Variants in NFATC2 observed in about 807,000 individuals in gnomAD.
The protein encoded by NFATC2 is nuclear factor of activated T cells 2, also known as nuclear factor of activated T-cells, cytoplasmic 2.
Under a neutral mutation model 87.3 loss-of-function variants are expected in NFATC2, and 22 were observed. That is an observed-to-expected ratio of 0.25 (90% CI 0.18 to 0.36). NFATC2 has a LOEUF of 0.36. Among genes scored for constraint, NFATC2 ranks in the 10% least tolerant of loss-of-function variants. NFATC2 has a pLI of 1.00. For synonymous variants in NFATC2, 565 were observed against 542.2 expected (o/e 1.04, Z -0.58); for missense variants, 1,149 against 1,259.1 (o/e 0.91, Z 1.32).
intron 2 of NFATC2, among the ~76,000 whole-genome samples, chr20:51,519,568 G>A (rs993908459): frequency 2.6e-5 from 4 of 151,690 alleles, no homozygotes; most frequent in Admixed American, 1.3e-4. Context: ...AGGTTGCAGT[G>A]AGCCGAGATC....
chr20:51,494,572 G>A (rs775588410), intron 3 of NFATC2, among the ~76,000 whole-genome samples: 6 of 151,972 alleles, frequency 3.9e-5, no homozygotes, highest in Admixed American at 1.3e-4. Flanking sequence ...AGCTGAACAC[G>A]GCTCCATCCT....
intron 6 of NFATC2, among the ~76,000 whole-genome samples, chr20:51,453,846 T>C (rs1986090341): frequency 1.3e-5 from 2 of 152,236 alleles, no homozygotes; most frequent in Admixed American, 1.3e-4. Flanking sequence ...GAAGGTAATT[T>C]AGCAATATGT....
At chr20:51,528,194 G>C (rs963283024) in intron 1 of NFATC2, among the ~76,000 whole-genome samples, 1 of 151,612 alleles carries the variant, frequency 6.6e-6, no homozygotes, top group Non-Finnish European at 1.5e-5. Flanking sequence ...AATCCCAAAA[G>C]ACTGGAAGCA....
intron 3 of NFATC2, among the ~76,000 whole-genome samples, chr20:51,509,929 A>G (rs2146666611): frequency 6.6e-6 from 1 of 152,364 alleles, no homozygotes; most frequent in South Asian, 2.1e-4. Context: ...ACCTCCCTGC[A>G]AAGCTCATTA....
intron 1 of NFATC2, among the ~76,000 whole-genome samples, chr20:51,533,719 C>CCAGGACA (rs2076673893): frequency 6.6e-6 from 1 of 152,238 alleles, no homozygotes; most frequent in South Asian, 2.1e-4. Flanking sequence ...GGCCAGGCGC[C>CCAGGACA]CAGGACACAG....
At chr20:51,460,926 C>G (rs987443409) in intron 5 of NFATC2, among the ~76,000 whole-genome samples, 1 of 152,288 alleles carries the variant, frequency 6.6e-6, no homozygotes, top group Non-Finnish European at 1.5e-5. Flanking sequence ...CCCAATCTCT[C>G]GGGCAGAGGC....
intron 1 of NFATC2, among the ~76,000 whole-genome samples, chr20:51,561,568 T>TCCCC (rs113481949): frequency 1.5e-4 from 19 of 126,634 alleles, no homozygotes; most frequent in African/African-American, 3.2e-4. Flanking sequence ...TGTCATTTCT[T>TCCCC]CCCCCCCCCA....
chr20:51,489,254 G>A (rs897581598), intron 3 of NFATC2, among the ~76,000 whole-genome samples: 1 of 117,620 alleles, frequency 8.5e-6, no homozygotes, highest in African/African-American at 5.2e-5. Flanking sequence ...AGATGGTGAG[G>A]GGGGCCCCTT....
intron 9 of NFATC2, among the ~76,000 whole-genome samples, chr20:51,408,532 G>T (rs1262044221): frequency 1.1e-5 from 1 of 87,808 alleles, no homozygotes; most frequent in African/African-American, 4.6e-5. Flanking sequence ...AAAAAAAAAA[G>T]CCAGAGCCCA....
chr20:51,442,637 G>A (rs1984506668), intron 6 of NFATC2, among the ~76,000 whole-genome samples: 1 of 151,678 alleles, frequency 6.6e-6, no homozygotes, highest in Non-Finnish European at 1.5e-5. Context: ...TTTCTTCACT[G>A]ATTCAAGAAA....
intron 2 of NFATC2, among the ~76,000 whole-genome samples, chr20:51,518,542 C>T (rs1020532579): frequency 6.6e-6 from 1 of 151,050 alleles, no homozygotes; most frequent in Non-Finnish European, 1.5e-5. Flanking sequence ...ATCCCTCTTA[C>T]CCTGCAGTCC....
intron 3 of NFATC2, among the ~76,000 whole-genome samples, chr20:51,488,459 C>A (rs916255899): frequency 6.6e-6 from 1 of 152,110 alleles, no homozygotes; most frequent in Non-Finnish European, 1.5e-5. Context: ...TGGACTCTAC[C>A]CAGTAGGTAG....
intron 1 of NFATC2, among the ~76,000 whole-genome samples, chr20:51,556,659 C>T (rs1189134298): frequency 1.3e-5 from 2 of 152,070 alleles, no homozygotes; most frequent in African/African-American, 2.4e-5. Context: ...AGGAGAGAAA[C>T]CCAGATAGGA....
chr20:51,404,931 C>A (rs1988413581), intron 9 of NFATC2, among the ~76,000 whole-genome samples: 1 of 152,290 alleles, frequency 6.6e-6, no homozygotes, highest in South Asian at 2.1e-4. Context: ...ATGAGCAAGA[C>A]CTTGGGGCTT....
In NFATC2 at chr20:51,428,390, C is replaced by G. The variant is rs6021199; in HGVS notation, c.2722+3677G>C. On this transcript the variant is annotated intron_variant, in intron 9 of 10. Transcript: ENST00000371564. ...GCTCAGGGGAGTGCATGCCTTGGGCCCTGGAATATTACTTATTTTGCTTTT... is the reference window on the plus strand; with the variant it reads ...GCTCAGGGGAGTGCATGCCTTGGGCGCTGGAATATTACTTATTTTGCTTTT... Among the ~76,000 whole-genome samples the G allele has an allele frequency of 1.7e-3, 265 of 152,210 alleles. 1 individual carries two copies. Among genetic ancestry groups the G allele is most frequent in the African/African-American group, 6.0e-3 (250 of 41,524 alleles).
chr20:51,495,413 TTG>T (rs1236189432), intron 3 of NFATC2, among the ~76,000 whole-genome samples: 1 of 152,190 alleles, frequency 6.6e-6, no homozygotes, highest in Non-Finnish European at 1.5e-5. Context: ...TTAAAAAGAC[TTG>T]TGTGACCGCA....
chr20:51,460,646 T>C (rs1224938035), intron 5 of NFATC2, among the ~76,000 whole-genome samples: 4 of 152,022 alleles, frequency 2.6e-5, no homozygotes, highest in African/African-American at 9.7e-5. Flanking sequence ...CTTCTTTTTT[T>C]TTTTTTAATA....
chr20:51,558,098 T>G (rs2076993400), intron 1 of NFATC2, among the ~76,000 whole-genome samples: 1 of 152,152 alleles, frequency 6.6e-6, no homozygotes, highest in Admixed American at 6.5e-5. Context: ...CTCAGCACTT[T>G]GGGAGGCCAA....
At chr20:51,526,566 G>A (rs2146737243) in intron 1 of NFATC2, among the ~76,000 whole-genome samples, 1 of 152,328 alleles carries the variant, frequency 6.6e-6, no homozygotes, top group South Asian at 2.1e-4. Flanking sequence ...CCGAGTGGCT[G>A]AGAGAATAAG....
Sources: allele counts gnomAD v4.1 joint callset (sites outside exome capture counted in the v4.1 genomes callset), GRCh38; gene constraint gnomAD v4.1.1; transcripts MANE v1.5; gene names NCBI Gene and HGNC (gene_info 2026-07-23, HGNC 2026-07-21).